The following TRERF1 variants were observed in gnomAD, a reference collection of about 807,000 sequenced individuals.
TRERF1 encodes the protein transcriptional regulating factor 1.
TRERF1 carries 27 observed loss-of-function variants against 122.9 expected under a neutral mutation model. The observed-to-expected ratio is 0.22, with a 90% CI of 0.16 to 0.30. The LOEUF (loss-of-function observed/expected upper bound fraction) is 0.30. Ranked by LOEUF, TRERF1 falls within the 10% of genes least tolerant of loss-of-function variation. TRERF1 has a pLI of 1.00. For missense variants in TRERF1, 1,248 were observed against 1,560.3 expected, an observed-to-expected ratio of 0.80 and a Z score of 3.37; for synonymous variants, 636 against 641.7, an observed-to-expected ratio of 0.99 and a Z score of 0.13.
At chr6:42,351,145 G>C (rs1162177623) in intron 3 of TRERF1, among the ~76,000 whole-genome samples, 1 of 152,156 alleles carries the variant, frequency 6.6e-6, no homozygotes, top group East Asian at 1.9e-4. Flanking sequence ...TAATGTTCAC[G>C]ATAGTCAAGG....
chr6:42,338,206 G>A (rs1766575684), intron 3 of TRERF1, among the ~76,000 whole-genome samples: 1 of 152,238 alleles, frequency 6.6e-6, no homozygotes, highest in Non-Finnish European at 1.5e-5. Context: ...CCACGTGTCA[G>A]AGCTGGCCTC....
At chr6:42,431,054 A>G (rs1362122960) in intron 2 of TRERF1, among the ~76,000 whole-genome samples, 1 of 148,910 alleles carries the variant, frequency 6.7e-6, no homozygotes, top group African/African-American at 2.5e-5. Flanking sequence ...AGCAAGACTC[A>G]GTCTCAAAAA....
intron 4 of TRERF1, among the ~76,000 whole-genome samples, chr6:42,279,540 T>C (rs1444383400): frequency 1.3e-5 from 2 of 152,182 alleles, no homozygotes; most frequent in Admixed American, 6.5e-5. Context: ...GAATTATTAA[T>C]AGAAGAAAGC....
At chr6:42,361,516 T>A (rs1771765505) in intron 3 of TRERF1, among the ~76,000 whole-genome samples, 1 of 152,212 alleles carries the variant, frequency 6.6e-6, no homozygotes, top group Non-Finnish European at 1.5e-5. Context: ...AACACTTTCA[T>A]GAATTAATGA....
intron 3 of TRERF1, among the ~76,000 whole-genome samples, chr6:42,355,104 C>T (rs2150876026): frequency 6.6e-6 from 1 of 152,232 alleles, no homozygotes; most frequent in East Asian, 1.9e-4. Context: ...CTCCAAGTTA[C>T]TATTTTATGA....
intron 2 of TRERF1, among the ~76,000 whole-genome samples, chr6:42,439,912 G>GT (rs1268215261): frequency 6.6e-6 from 1 of 152,130 alleles, no homozygotes; most frequent in Non-Finnish European, 1.5e-5. Flanking sequence ...ACTGTGTGTC[G>GT]TATTTCCATG....
chr6:42,310,542 G>A (rs1788059837), intron 3 of TRERF1, among the ~76,000 whole-genome samples: 1 of 152,240 alleles, frequency 6.6e-6, no homozygotes, highest in African/African-American at 2.4e-5. Flanking sequence ...GGTTGTCACA[G>A]TTGGGGGAGT....
chr6:42,361,697 C>T (rs980164665), intron 3 of TRERF1, among the ~76,000 whole-genome samples: 1 of 152,166 alleles, frequency 6.6e-6, no homozygotes, highest in Admixed American at 6.6e-5. Context: ...AAAGTAGAAA[C>T]GTCCTTATAA....
In TRERF1 at chr6:42,263,803, T is replaced by A. The variant is rs555283311; in HGVS notation, c.1636-235A>T. The stretch of plus-strand genomic sequence containing the variant: ...AATTCTTGACCATGCATTACTTGTG[T>A]ATTAAACTATTTTAAAAAAATTGTG... On this transcript the variant is annotated intron_variant, in intron 7 of 17. Transcript: ENST00000372922. This position sits in a 1 kb window ranked among gnomAD's most constrained non-coding sequence, Gnocchi z 5.6. Among the ~76,000 whole-genome samples, 1 of 152,208 alleles carries A rather than the reference T, an allele frequency of 6.6e-6. No individual in the cohort carries two copies. The highest frequency in any genetic ancestry group is 1.5e-5 in the Non-Finnish European group (1 of 68,034).
rs778798828 is a variant in TRERF1, at chr6:42,268,423, G to A, written c.1168C>T (p.Leu390Phe). 2.6e-5 allele frequency: 41 copies of A among 1,564,526 alleles called. No homozygotes were observed. Among genetic ancestry groups the A allele is most frequent in the Non-Finnish European group, 3.4e-5 (39 of 1,155,084 alleles). Residue 390 changes from leucine to phenylalanine, a missense_variant, in exon 5 of 18, where the codon CTC becomes TTC. Leu to Phe is a conservative substitution (Grantham distance 22). Transcript: ENST00000372922. The surrounding 1 kb of genome is among the most constrained non-coding windows in gnomAD (Gnocchi z 4.4). ...TGGGACAGGTGGCTCTGCTGGTAGA[G>A]GGGGTGGCTGTAGGGCTGCTGGGGC...
At chr6:42,310,783 CTGA>C (rs1788104068) in intron 3 of TRERF1, among the ~76,000 whole-genome samples, 1 of 152,160 alleles carries the variant, frequency 6.6e-6, no homozygotes, top group Non-Finnish European at 1.5e-5. Flanking sequence ...CTTCAGAACT[CTGA>C]GAAGCTACTC....
intron 3 of TRERF1, among the ~76,000 whole-genome samples, chr6:42,316,256 A>C (rs2150396883): frequency 1.3e-5 from 2 of 152,340 alleles, no homozygotes; most frequent in South Asian, 4.1e-4. Flanking sequence ...TGATTCATCC[A>C]GAGAGGCTGG....
intron 3 of TRERF1, among the ~76,000 whole-genome samples, chr6:42,316,281 A>G (rs1762490016): frequency 6.6e-6 from 1 of 152,142 alleles, no homozygotes; most frequent in Non-Finnish European, 1.5e-5. Flanking sequence ...CCTCAGTGGA[A>G]AGAAAATCTA....
At chr6:42,433,364 C>T (rs1248259973) in intron 2 of TRERF1, among the ~76,000 whole-genome samples, 1 of 151,954 alleles carries the variant, frequency 6.6e-6, no homozygotes, top group Admixed American at 6.6e-5. Context: ...CTCCTCAAGG[C>T]ACTGACACAC....
In TRERF1 at chr6:42,232,982, A is replaced by C; in HGVS notation, c.3067-90T>G. 2.1e-6 allele frequency: 3 copies of C among 1,462,372 alleles called. No homozygotes were observed. The Middle Eastern group carries it at 5.3e-4, about 259-fold the overall frequency. The allele number at this position is 1,462,372 out of a possible 1,614,324, so 90.6% of individuals were successfully genotyped here. A position where few individuals can be genotyped will look rare whatever the true frequency, so the allele number is the denominator to read the frequency against. ...CTCAGTGGTAAACATGGAATACTTG[A>C]AACTGTCTAATGACAGGGCACAAGG... On this transcript the variant is annotated intron_variant, in intron 16 of 17. Coordinates refer to ENST00000372922, the Ensembl canonical transcript of TRERF1. This position sits in a 1 kb window ranked among gnomAD's most constrained non-coding sequence, Gnocchi z 4.5.
intron 2 of TRERF1, among the ~76,000 whole-genome samples, chr6:42,407,835 G>A (rs1021572262): frequency 2.0e-5 from 3 of 150,844 alleles, no homozygotes; most frequent in Admixed American, 1.3e-4. Flanking sequence ...GGACGTGTGC[G>A]CACAGATATT....
chr6:42,353,020 G>C (rs1284790834), intron 3 of TRERF1, among the ~76,000 whole-genome samples: 1 of 152,122 alleles, frequency 6.6e-6, no homozygotes, highest in African/African-American at 2.4e-5. Context: ...AGCTTTCCCA[G>C]GCAGGGTGCA....
intron 2 of TRERF1, among the ~76,000 whole-genome samples, chr6:42,425,179 T>C (rs1308358504): frequency 1.3e-5 from 2 of 152,194 alleles, no homozygotes; most frequent in Non-Finnish European, 2.9e-5. Flanking sequence ...CGATTAGCCA[T>C]GCTTCCTCAA....
chr6:42,328,762 C>T (rs1157640872), intron 3 of TRERF1, among the ~76,000 whole-genome samples: 1 of 152,158 alleles, frequency 6.6e-6, no homozygotes, highest in African/African-American at 2.4e-5. Context: ...ATCCCTACAG[C>T]ACTGTTCACA....
Sources: allele counts gnomAD v4.1 joint callset (sites outside exome capture counted in the v4.1 genomes callset), GRCh38; gene constraint gnomAD v4.1.1; non-coding constraint Gnocchi (gnomAD v3.1); transcripts MANE v1.5; gene names NCBI Gene and HGNC (gene_info 2026-07-23, HGNC 2026-07-21).